TEP1: variants seen among roughly 807,000 people sequenced by gnomAD.
TEP1 encodes the protein telomerase associated protein 1, also known as telomerase protein component 1.
TEP1 carries 241 observed loss-of-function variants against 306.3 expected under a neutral mutation model. The ratio of observed to expected loss-of-function variants is 0.79; its 90% CI spans 0.71 to 0.88. TEP1 has a LOEUF of 0.88. TEP1 is among the 40% of genes least tolerant of loss of function. TEP1 has a pLI of 0.00. For synonymous variants in TEP1, 1,289 were observed against 1,305.5 expected (o/e 0.99, Z 0.27); for missense variants, 3,051 against 3,276.1 (o/e 0.93, Z 1.68).
At chr14:20,412,665 C>T (rs1055182558) in intron 1 of TEP1, among the ~76,000 whole-genome samples, 1 of 151,130 alleles carries the variant, frequency 6.6e-6, no homozygotes. Context: ...ACATTAATAC[C>T]CACCTCACTC....
At chr14:20,373,932 T>G in intron 44 of TEP1, 122 bp from the exon 45 acceptor site, 1 of 1,327,126 alleles carries the variant, frequency 7.5e-7, no homozygotes, top group Non-Finnish European at 1.0e-6. Context: ...GGAGGAGAAC[T>G]CAGGAACAGT....
rs372718721 is a variant in TEP1, at chr14:20,386,441, C to T, written c.2861+6G>A. The T allele has an allele frequency of 2.7e-5, 43 of 1,596,804 alleles. 1 individual carries two copies. The highest frequency in any genetic ancestry group is 2.0e-4 in the Middle Eastern group (1 of 4,938). ...ACCCAGCCCCTCTTCTCTGCAGCCC[C>T]CACACCTGTTCCTACGGGTCTCCTC... is the stretch of plus-strand genomic sequence containing the variant. On this transcript the variant is annotated splice_donor_region_variant and intron_variant, in intron 19 of 54. Coordinates refer to ENST00000262715, the MANE Select transcript of TEP1 (RefSeq NM_007110.5).
rs761123055 is a variant in TEP1 at position 20,369,750 on chromosome 14, C to CTCTTCAAA, written c.7339_7346dup (p.Glu2449AspfsTer6). 14 of 1,614,120 alleles carry CTCTTCAAA rather than the reference C, an allele frequency of 8.7e-6. No individual in the cohort carries two copies. In the African/African-American group the frequency reaches 1.7e-4, roughly 20 times the overall value. ...CTAAGTTTATATCAAAGTTCAGCCTCTCTTCAAACTCTCCTGATTCCTTTT... is the reference window on the plus strand; with the variant it reads ...CTAAGTTTATATCAAAGTTCAGCCTCTCTTCAAATCTTCAAACTCTCCTGATTCCTTTT... On this transcript the variant is annotated frameshift_variant, in exon 52 of 55. Coordinates refer to ENST00000262715, the MANE Select transcript of TEP1 (RefSeq NM_007110.5). LOFTEE classifies it high-confidence loss of function.
chr14:20,405,367 C>G (rs1594375325), intron 4 of TEP1, 84 bp downstream of exon 4: 1 of 1,550,828 alleles, frequency 6.4e-7, no homozygotes, highest in East Asian at 2.3e-5. Context: ...CAACATGAAG[C>G]TAGTCACCAC....
intron 53 of TEP1, 91 bp from the exon 54 acceptor site, chr14:20,368,993 C>T: frequency 1.1e-6 from 1 of 882,674 alleles, no homozygotes; most frequent in Non-Finnish European, 1.8e-6. Context: ...ACCTACAGCC[C>T]TCCTCCCTTA....
At chr14:20,405,700 A>G in intron 3 of TEP1, 115 bp from the exon 4 acceptor site, 1 of 1,233,198 alleles carries the variant, frequency 8.1e-7, no homozygotes, top group Non-Finnish European at 1.1e-6. Flanking sequence ...CGAGATGTGG[A>G]GTCCAGTTGA....
intron 1 of TEP1, among the ~76,000 whole-genome samples, chr14:20,412,968 C>T (rs1024563456): frequency 2.6e-5 from 4 of 151,420 alleles, no homozygotes; most frequent in African/African-American, 9.8e-5. Flanking sequence ...CTCCACCTCA[C>T]TCTTCAAGTG....
Position 20,377,772 on chromosome 14 carries a change from G to A in TEP1, c.5722-19C>T, listed in dbSNP as rs563321426. 2.5e-6 allele frequency: 4 copies of A among 1,611,788 alleles called. No homozygotes were observed. Among genetic ancestry groups the A allele is most frequent in the Non-Finnish European group, 1.7e-6 (2 of 1,179,510 alleles). Reference sequence around the variant, plus strand: ...CCTGAACCTGGGAACCAAGAAAAGGGCTTAAGGATACCACCTCCACCACGC... The same window carrying A: ...CCTGAACCTGGGAACCAAGAAAAGGACTTAAGGATACCACCTCCACCACGC... On this transcript the variant is annotated intron_variant, in intron 39 of 54. Coordinates refer to ENST00000262715, the MANE Select transcript of TEP1 (RefSeq NM_007110.5).
chr14:20,396,806 C>T, intron 9 of TEP1, 76 bp from the exon 10 acceptor site: 1 of 1,048,482 alleles, frequency 9.5e-7, no homozygotes, highest in Non-Finnish European at 1.4e-6. Context: ...ATAATCTCAG[C>T]TACCAAGGAG....
intron 41 of TEP1, among the ~76,000 whole-genome samples, chr14:20,376,863 G>A (rs1189363985): frequency 6.6e-6 from 1 of 152,218 alleles, no homozygotes; most frequent in Non-Finnish European, 1.5e-5. Flanking sequence ...TCGCACATGT[G>A]TATTTTCATA....
rs987766632 is a variant in TEP1 at position 20,367,630 on chromosome 14, T to C, written c.*807A>G. ...CTGGGTAGTTCTTTTTTTTTTTTTT[T>C]AGACAGAGTCTCGCTCTGTTGCCCA... On this transcript the variant is annotated 3_prime_UTR_variant, in exon 55 of 55. Coordinates refer to ENST00000262715, the MANE Select transcript of TEP1 (RefSeq NM_007110.5). 2.0e-5 allele frequency: 3 copies of C among 151,904 alleles called. No individual in the cohort carries two copies. The highest frequency in any genetic ancestry group is 4.9e-5 in the African/African-American group (2 of 40,994). 9.4% of individuals were successfully genotyped at this position (151,904 alleles called of 1,614,324 possible).
intron 49 of TEP1, 63 bp from the exon 50 acceptor site, chr14:20,371,695 T>C: frequency 6.7e-7 from 1 of 1,492,590 alleles, no homozygotes; most frequent in South Asian, 1.4e-5. Flanking sequence ...CTCAGGCTCC[T>C]CAATCCCACA....
chr14:20,366,516 G>A lies in TEP1; in HGVS notation c.*1921C>T, dbSNP rs1884482098. On this transcript the variant is annotated 3_prime_UTR_variant, in exon 55 of 55. Coordinates refer to ENST00000262715, the MANE Select transcript of TEP1 (RefSeq NM_007110.5). ...AGGTATATTTCGAGGCTTGGCATGAGGCACATAAGAGAAGACAGAAGCATG... is the reference window on the plus strand; with the variant it reads ...AGGTATATTTCGAGGCTTGGCATGAAGCACATAAGAGAAGACAGAAGCATG... 6.6e-6 allele frequency: 1 copy of A among 152,190 alleles called. No individual in the cohort carries two copies. Among genetic ancestry groups the A allele is most frequent in the Non-Finnish European group, 1.5e-5 (1 of 68,038 alleles). The allele number at this position is 152,190 out of a possible 1,614,324, so 9.4% of individuals were successfully genotyped here. A position where few individuals can be genotyped will look rare whatever the true frequency, so the allele number is the denominator to read the frequency against.
At position 20,391,781 on chromosome 14, in the gene TEP1, A is replaced by G. The variant is rs765344637; in HGVS notation, c.1929-14T>C. On this transcript the variant is annotated splice_polypyrimidine_tract_variant and intron_variant, in intron 12 of 54. Coordinates refer to ENST00000262715, the MANE Select transcript of TEP1 (RefSeq NM_007110.5). ...TATTTCCACTGTCTACATGCAAGAA[A>G]GACACAGACACAGGGGCTCAGGGAC... 6.2e-7 allele frequency: 1 copy of G among 1,612,396 alleles called. No individual in the cohort carries two copies. Among genetic ancestry groups the G allele is most frequent in the South Asian group, 1.1e-5 (1 of 91,012 alleles).
intron 44 of TEP1, 99 bp from the exon 45 acceptor site, chr14:20,373,909 A>C: frequency 6.7e-7 from 1 of 1,485,184 alleles, no homozygotes; most frequent in Non-Finnish European, 9.1e-7. Flanking sequence ...GGAGCATGGA[A>C]GATGTCAATG....
In TEP1 at chr14:20,381,331, T is replaced by C; in HGVS notation, c.4629A>G (p.Gly1543=). 1 of 1,614,168 alleles carries C rather than the reference T, an allele frequency of 6.2e-7. No homozygotes were observed. Among genetic ancestry groups the C allele is most frequent in the Non-Finnish European group, 8.5e-7 (1 of 1,180,012 alleles). The change falls in exon 32 of 55, where the codon GGA becomes GGG. Residue 1543 remains glycine, a synonymous_variant. Coordinates refer to ENST00000262715, the MANE Select transcript of TEP1 (RefSeq NM_007110.5). This position sits in a 1 kb window ranked among gnomAD's most constrained non-coding sequence, Gnocchi z 4.0. ...TFRSCPPEAL[G]DLPYHLLQSG... Reference sequence around the variant, plus strand: ...AACTAACCAGGTGGTAAGGCAGGTCTCCCAGAGCCTCAGGAGGGCAACTTC... The same window carrying C: ...AACTAACCAGGTGGTAAGGCAGGTCCCCCAGAGCCTCAGGAGGGCAACTTC...
At chr14:20,369,917 A>ATT in intron 51 of TEP1, 138 bp from the exon 52 acceptor site, 1 of 589,366 alleles carries the variant, frequency 1.7e-6, no homozygotes, top group Non-Finnish European at 2.8e-6. Context: ...CAAGTGCGCA[A>ATT]ATTTTTTTTT....
At chr14:20,403,672 G>A in intron 6 of TEP1, 51 bp downstream of exon 6, 2 of 1,611,232 alleles carry the variant, frequency 1.2e-6, no homozygotes, top group South Asian at 2.2e-5. Flanking sequence ...CCCTTGTCCT[G>A]CCCTTCCTGG....
chr14:20,400,827 C>A (rs148544268), intron 9 of TEP1, 157 bp downstream of exon 9: 3 of 885,902 alleles, frequency 3.4e-6, no homozygotes. Context: ...CCACTGTTTA[C>A]TTTGGTGTAG....
Sources: allele counts gnomAD v4.1 joint callset (sites outside exome capture counted in the v4.1 genomes callset), GRCh38; gene constraint gnomAD v4.1.1; non-coding constraint Gnocchi (gnomAD v3.1); transcripts MANE v1.5; gene names NCBI Gene and HGNC (gene_info 2026-07-23, HGNC 2026-07-21).